Variants in ANXA8 observed in about 807,000 individuals in gnomAD.
The protein encoded by ANXA8 is VAC-beta.
Under a neutral mutation model 26.8 loss-of-function variants are expected in ANXA8, and 9 were observed. The observed-to-expected ratio is 0.34, with a 90% CI of 0.20 to 0.59. ANXA8 has a LOEUF of 0.59. ANXA8 is among the 20% of genes least tolerant of loss of function. The pLI is 0.84. For missense variants in ANXA8, 83 were observed against 238.5 expected, an observed-to-expected ratio of 0.35 and a Z score of 4.29; for synonymous variants, 39 against 94.8, an observed-to-expected ratio of 0.41 and a Z score of 3.42.
chr10:47,593,572 A>G, the ANXA8 span, among the ~76,000 whole-genome samples: 1 of 149,734 alleles, frequency 6.7e-6, no homozygotes. Context: ...TTATACCATC[A>G]TATAAAAATA....
chr10:47,521,796 TG>T, the ANXA8 span, among the ~76,000 whole-genome samples: 1 of 151,568 alleles, frequency 6.6e-6, no homozygotes, highest in South Asian at 2.1e-4. Context: ...CTTTTTTTTT[TG>T]TGAGACGGAG....
chr10:47,664,470 A>G, the ANXA8 span, among the ~76,000 whole-genome samples: 1 of 151,700 alleles, frequency 6.6e-6, no homozygotes, highest in Admixed American at 6.6e-5. Flanking sequence ...CGGGAGGCTG[A>G]GGCAGGAGAA....
At chr10:47,893,443 A>G in the ANXA8 span, among the ~76,000 whole-genome samples, 1 of 95,074 alleles carries the variant, frequency 1.1e-5, no homozygotes, top group Non-Finnish European at 2.2e-5. Flanking sequence ...CTATGAAGCC[A>G]TCCTTGTGGC....
chr10:47,682,586 C>T, the ANXA8 span, among the ~76,000 whole-genome samples: 2 of 151,236 alleles, frequency 1.3e-5, no homozygotes, highest in East Asian at 3.9e-4. Flanking sequence ...TCTCCTGCCT[C>T]AGCCTCCTGA....
the ANXA8 span, chr10:47,706,733 G>A: frequency 6.1e-6 from 9 of 1,471,798 alleles, 2 homozygotes; most frequent in Non-Finnish European, 8.4e-6. Flanking sequence ...GCTTCACAAG[G>A]CAAGTCTTCA....
At chr10:47,898,811 A>ATTTTTTTTTTTTTTTTTTTTT in the ANXA8 span, among the ~76,000 whole-genome samples, 7 of 56,242 alleles carry the variant, frequency 1.2e-4, 1 homozygote, top group Admixed American at 4.7e-4. Context: ...AAGAGAATGG[A>ATTTTTTTTTTTTTTTTTTTTT]TTTTTTTTTT....
chr10:47,548,607 TCTTTTTTTC>T, the ANXA8 span, among the ~76,000 whole-genome samples: 25 of 142,624 alleles, frequency 1.8e-4, no homozygotes, highest in Non-Finnish European at 3.1e-4. Flanking sequence ...GGCCTTTTTT[TCTTTTTTTC>T]TTTTTTTTGC....
chr10:47,950,661 AGTT>A, the ANXA8 span, among the ~76,000 whole-genome samples: 16 of 150,550 alleles, frequency 1.1e-4, no homozygotes, highest in Non-Finnish European at 1.5e-4. Flanking sequence ...CTAAAATAGA[AGTT>A]AATAGCAGAA....
the ANXA8 span, among the ~76,000 whole-genome samples, chr10:47,989,031 G>T: frequency 6.7e-6 from 1 of 149,720 alleles, no homozygotes; most frequent in Non-Finnish European, 1.5e-5. Flanking sequence ...TAGAAGCAAT[G>T]CTTATGTCAT....
At chr10:47,525,699 TTC>T in the ANXA8 span, among the ~76,000 whole-genome samples, 2 of 136,296 alleles carry the variant, frequency 1.5e-5, no homozygotes, top group African/African-American at 5.5e-5. Flanking sequence ...GTGAAATTGT[TTC>T]TCTAATTTCA....
At chr10:47,502,453 G>T in the ANXA8 span, 1 of 1,612,542 alleles carries the variant, frequency 6.2e-7, no homozygotes, top group Non-Finnish European at 8.5e-7. Context: ...CTCTTCCCTC[G>T]TGGACTTTAT....
chr10:47,771,524 C>A, the ANXA8 span, among the ~76,000 whole-genome samples: 1 of 151,738 alleles, frequency 6.6e-6, no homozygotes, highest in African/African-American at 2.4e-5. Flanking sequence ...TTCATTCATT[C>A]TTTTTAAAAA....
the ANXA8 span, chr10:47,763,543 TG>T: frequency 1.4e-6 from 1 of 716,418 alleles, no homozygotes; most frequent in Non-Finnish European, 1.7e-6. Flanking sequence ...CAGCGTCGCC[TG>T]GGTCCCCTCT....
the ANXA8 span, among the ~76,000 whole-genome samples, chr10:47,555,629 C>A: frequency 1.3e-5 from 2 of 151,998 alleles, no homozygotes; most frequent in Admixed American, 1.3e-4. Context: ...CATGACATAT[C>A]CATTTGGATG....
chr10:47,511,242 CCTT>C, the ANXA8 span, among the ~76,000 whole-genome samples: 1 of 141,934 alleles, frequency 7.0e-6, no homozygotes, highest in Non-Finnish European at 1.5e-5. Context: ...GGCGCCCAGT[CCTT>C]CTATTATTTA....
chr10:47,630,872 C>T, the ANXA8 span, among the ~76,000 whole-genome samples: 1 of 149,062 alleles, frequency 6.7e-6, no homozygotes, highest in African/African-American at 2.6e-5. Flanking sequence ...TCCTTTGATA[C>T]ACTCTACCAG....
chr10:47,645,121 T>C, the ANXA8 span, among the ~76,000 whole-genome samples: 2 of 151,200 alleles, frequency 1.3e-5, no homozygotes, highest in East Asian at 1.9e-4. Context: ...ATTAATAACA[T>C]TTGAAAAAAT....
chr10:47,676,213 TG>T, the ANXA8 span, among the ~76,000 whole-genome samples: 1 of 151,668 alleles, frequency 6.6e-6, no homozygotes, highest in South Asian at 2.1e-4. Context: ...CTAACATATA[TG>T]TAATTGGAGT....
chr10:47,956,761 G>A, the ANXA8 span, among the ~76,000 whole-genome samples: 38,965 of 144,642 alleles, frequency 0.27, 2,302 homozygotes, highest in Non-Finnish European at 0.37. Context: ...GGCTCACTGC[G>A]TCTTACCTTC....
Sources: allele counts gnomAD v4.1 joint callset (sites outside exome capture counted in the v4.1 genomes callset), GRCh38; gene constraint gnomAD v4.1.1; transcripts MANE v1.5; gene names NCBI Gene and HGNC (gene_info 2026-07-23, HGNC 2026-07-21).